STXBP4: variants seen among roughly 807,000 people sequenced by gnomAD.
STXBP4 encodes the protein syntaxin-binding protein 4.
STXBP4 carries 55 observed loss-of-function variants against 76.1 expected under a neutral mutation model. The observed-to-expected ratio is 0.72, with a 90% CI of 0.58 to 0.91. The LOEUF is 0.91. Ranked by LOEUF, STXBP4 falls within the 40% of genes least tolerant of loss-of-function variation. STXBP4 has a pLI of 0.00. For missense variants in STXBP4, 618 were observed against 636.9 expected, an observed-to-expected ratio of 0.97 and a Z score of 0.32; for synonymous variants, 201 against 220.2, an observed-to-expected ratio of 0.91 and a Z score of 0.77.
At chr17:55,008,731 T>C (rs542213896) in intron 8 of STXBP4, among the ~76,000 whole-genome samples, 94 of 152,252 alleles carry the variant, frequency 6.2e-4, no homozygotes, top group African/African-American at 2.2e-3. Context: ...GTTGAAGATA[T>C]TTCCTTTCCT....
chr17:55,010,263 T>TAC (rs903474019), intron 8 of STXBP4, among the ~76,000 whole-genome samples: 3 of 141,862 alleles, frequency 2.1e-5, no homozygotes, highest in Admixed American at 7.0e-5. Context: ...TATATATATA[T>TAC]ACACACATAC....
the STXBP4 span, among the ~76,000 whole-genome samples, chr17:55,196,607 T>G: frequency 1.3e-5 from 2 of 152,214 alleles, no homozygotes; most frequent in Admixed American, 1.3e-4. Context: ...TTGTATGACA[T>G]TATATTGCAA....
chr17:55,000,998 A>G, intron 7 of STXBP4, 115 bp downstream of exon 7: 1 of 674,744 alleles, frequency 1.5e-6, no homozygotes, highest in Non-Finnish European at 2.5e-6. Context: ...TTGTTCCTTC[A>G]GTGAACGAAA....
At chr17:54,987,082 C>T (rs1299274649) in intron 3 of STXBP4, among the ~76,000 whole-genome samples, 1 of 152,162 alleles carries the variant, frequency 6.6e-6, no homozygotes, top group African/African-American at 2.4e-5. Flanking sequence ...AATGAAAATT[C>T]AAGGAGTGGA....
At chr17:55,066,178 G>A (rs573973297) in intron 12 of STXBP4, among the ~76,000 whole-genome samples, 6 of 151,432 alleles carry the variant, frequency 4.0e-5, no homozygotes, top group Middle Eastern at 6.8e-3. Context: ...TTCTCATGAT[G>A]GAAAATTGTG....
rs34634766 is a variant in STXBP4, at chr17:55,027,385, G to A, written c.667-3783G>A. Among the ~76,000 whole-genome samples, 298 of 152,280 alleles carry A rather than the reference G, an allele frequency of 2.0e-3. 1 individual carries two copies. The highest frequency in any genetic ancestry group is 3.4e-3 in the Non-Finnish European group (230 of 68,014). On this transcript the variant is annotated intron_variant, in intron 8 of 17. Coordinates refer to ENST00000376352, the MANE Select transcript of STXBP4 (RefSeq NM_178509.6). ...GTATCATAAGGCAAGCACAAAGGAA[G>A]TGAAATAATGGACTTTGGAGACTCA...
intron 16 of STXBP4, among the ~76,000 whole-genome samples, chr17:55,119,609 G>A (rs2079821231): frequency 6.6e-6 from 1 of 151,904 alleles, no homozygotes. Flanking sequence ...ACAAGACTTT[G>A]ACCTAAAAAA....
intron 10 of STXBP4, among the ~76,000 whole-genome samples, chr17:55,040,620 C>G (rs986312918): frequency 6.6e-6 from 1 of 152,152 alleles, no homozygotes; most frequent in African/African-American, 2.4e-5. Context: ...GAGGTGAAGT[C>G]AGACCTAATC....
At chr17:55,153,866 G>A (rs1567784521) in intron 17 of STXBP4, among the ~76,000 whole-genome samples, 2 of 152,106 alleles carry the variant, frequency 1.3e-5, no homozygotes, top group Admixed American at 6.5e-5. Flanking sequence ...ATTTAAAGTA[G>A]CATAAAAATA....
intron 16 of STXBP4, among the ~76,000 whole-genome samples, chr17:55,137,535 G>A (rs916442523): frequency 4.6e-5 from 7 of 151,966 alleles, no homozygotes; most frequent in African/African-American, 1.7e-4. Flanking sequence ...AAAATTGCTG[G>A]ATTAAGCTAT....
chr17:55,072,297 G>T (rs550672790), intron 12 of STXBP4, among the ~76,000 whole-genome samples: 2 of 152,274 alleles, frequency 1.3e-5, no homozygotes, highest in South Asian at 2.1e-4. Context: ...GAAAAGACAC[G>T]TGATGCACCT....
the STXBP4 span, among the ~76,000 whole-genome samples, chr17:55,194,785 A>G: frequency 1.3e-5 from 2 of 152,178 alleles, no homozygotes; most frequent in East Asian, 1.9e-4. Flanking sequence ...TTCACTTTAT[A>G]TATCACTGGT....
intron 8 of STXBP4, among the ~76,000 whole-genome samples, chr17:55,010,442 A>G (rs1212523254): frequency 6.6e-6 from 1 of 152,096 alleles, no homozygotes; most frequent in African/African-American, 2.4e-5. Context: ...TACTCTGAGA[A>G]TGATTTAATA....
At chr17:55,017,238 TTCTC>T (rs2078224147) in intron 8 of STXBP4, among the ~76,000 whole-genome samples, 1 of 152,166 alleles carries the variant, frequency 6.6e-6, no homozygotes, top group Non-Finnish European at 1.5e-5. Flanking sequence ...CTCTGCCTGT[TTCTC>T]TCCTCTCTGC....
intron 7 of STXBP4, among the ~76,000 whole-genome samples, chr17:55,003,854 A>C (rs1050258104): frequency 1.3e-5 from 2 of 152,142 alleles, no homozygotes; most frequent in African/African-American, 4.8e-5. Flanking sequence ...CAATATACTA[A>C]AGACATTTCT....
intron 11 of STXBP4, among the ~76,000 whole-genome samples, chr17:55,046,866 T>C (rs1459276217): frequency 6.6e-6 from 1 of 151,942 alleles, no homozygotes; most frequent in African/African-American, 2.4e-5. Flanking sequence ...TTTGAGATTT[T>C]GCAAAATTAA....
At chr17:55,198,937 T>C in the STXBP4 span, among the ~76,000 whole-genome samples, 1 of 152,200 alleles carries the variant, frequency 6.6e-6, no homozygotes, top group Admixed American at 6.5e-5. Flanking sequence ...ACCAATTCAC[T>C]CTTTGGAGTA....
intron 16 of STXBP4, among the ~76,000 whole-genome samples, chr17:55,097,480 G>C (rs371364978): frequency 1.3e-5 from 2 of 152,078 alleles, no homozygotes; most frequent in Non-Finnish European, 2.9e-5. Context: ...TGGCTAACAC[G>C]GTGAAACCCC....
intron 8 of STXBP4, among the ~76,000 whole-genome samples, chr17:55,014,451 G>T (rs892892573): frequency 6.0e-4 from 92 of 152,286 alleles, no homozygotes; most frequent in African/African-American, 2.0e-3. Context: ...TAGTGGCTGG[G>T]AGAAGTATCT....
Sources: allele counts gnomAD v4.1 joint callset (sites outside exome capture counted in the v4.1 genomes callset), GRCh38; gene constraint gnomAD v4.1.1; transcripts MANE v1.5; gene names NCBI Gene and HGNC (gene_info 2026-07-23, HGNC 2026-07-21).